Variants in TMEM229B observed in about 807,000 individuals in gnomAD.
The protein encoded by TMEM229B is transmembrane protein 229B, also known as chromosome 14 open reading frame 83.
A neutral mutation model predicts 13.7 loss-of-function variants in TMEM229B; 6 were observed. That is an observed-to-expected ratio of 0.44 (90% CI 0.24 to 0.86). TMEM229B has a LOEUF of 0.86. Ranked by LOEUF, TMEM229B falls within the 40% of genes least tolerant of loss-of-function variation. TMEM229B has a pLI of 0.23. For missense variants in TMEM229B, 170 were observed against 236.0 expected (o/e 0.72, Z 1.83); for synonymous variants, 107 against 102.1 (o/e 1.05, Z -0.29).
intron 1 of TMEM229B, among the ~76,000 whole-genome samples, chr14:67,523,918 T>C (rs1198391403): frequency 1.5e-5 from 1 of 67,408 alleles, no homozygotes; most frequent in East Asian, 6.8e-4. Flanking sequence ...TAGAGGGATA[T>C]GAGGACAGGG....
chr14:67,521,233 A>G (rs117204857), intron 1 of TMEM229B, among the ~76,000 whole-genome samples: 1 of 152,366 alleles, frequency 6.6e-6, no homozygotes, highest in Admixed American at 6.5e-5. Context: ...AGGTAACTTC[A>G]TAAATTACAT....
At chr14:67,479,713 G>A (rs948097335) in intron 2 of TMEM229B, among the ~76,000 whole-genome samples, 19 of 151,890 alleles carry the variant, frequency 1.3e-4, no homozygotes, top group East Asian at 3.9e-4. Context: ...GTGAGACTCC[G>A]TCTCAAAAAA....
chr14:67,483,092 C>T (rs2031681143), intron 2 of TMEM229B, among the ~76,000 whole-genome samples: 1 of 152,062 alleles, frequency 6.6e-6, no homozygotes, highest in Non-Finnish European at 1.5e-5. Flanking sequence ...CTCACTGCAA[C>T]CTCTGTCGCC....
upstream of TMEM229B, among the ~76,000 whole-genome samples, chr14:67,516,645 C>A (rs564772226): frequency 6.6e-6 from 1 of 152,170 alleles, no homozygotes; most frequent in Non-Finnish European, 1.5e-5. Flanking sequence ...TCTGATGGGG[C>A]CGTAGGTCTT....
At chr14:67,488,793 G>C (rs551701172), upstream of TMEM229B, 1 of 152,312 alleles carries the variant, frequency 6.6e-6, no homozygotes, top group Non-Finnish European at 1.5e-5. Flanking sequence ...AGCTCTGGGA[G>C]CCCACTGCCT....
upstream of TMEM229B, among the ~76,000 whole-genome samples, chr14:67,516,226 G>A (rs920685251): frequency 3.9e-5 from 6 of 152,178 alleles, no homozygotes; most frequent in African/African-American, 1.4e-4. Flanking sequence ...CCTGGCACTG[G>A]GTGCCTCAGC....
At chr14:67,517,945 C>G (rs10143518), upstream of TMEM229B, among the ~76,000 whole-genome samples, 63,970 of 152,034 alleles carry the variant, frequency 0.42, 14,025 homozygotes, top group East Asian at 0.49. Flanking sequence ...CAGGGTAGAG[C>G]AGTCTGCTGT....
chr14:67,470,451 T>C lies in TMEM229B; in HGVS notation c.*2969A>G, dbSNP rs1300785222. 6.6e-6 allele frequency: 1 copy of C among 152,116 alleles called. No individual in the cohort carries two copies. The highest frequency in any genetic ancestry group is 1.5e-5 in the Non-Finnish European group (1 of 68,034). The allele number at this position is 152,116 out of a possible 1,614,324, so 9.4% of individuals were successfully genotyped here. A position where few individuals can be genotyped will look rare whatever the true frequency, so the allele number is the denominator to read the frequency against. ...CCCTTTAGCAGAGCTGGGGCCTGCA[T>C]CTCCTCCAGGTCTGGGTGGCCTCAG... is the stretch of plus-strand genomic sequence containing the variant. On this transcript the variant is annotated 3_prime_UTR_variant, in exon 3 of 3. Transcript: ENST00000554480.
chr14:67,519,166 A>G (rs1395210995), upstream of TMEM229B, among the ~76,000 whole-genome samples: 1 of 152,200 alleles, frequency 6.6e-6, no homozygotes, highest in African/African-American at 2.4e-5. Context: ...AATAGGAAGG[A>G]AAGGGGCATA....
chr14:67,475,770 G>A (rs757020395), intron 2 of TMEM229B, among the ~76,000 whole-genome samples: 1 of 152,124 alleles, frequency 6.6e-6, no homozygotes, highest in Non-Finnish European at 1.5e-5. Context: ...TTCAACGCCC[G>A]GCTCCCATGC....
intron 1 of TMEM229B, among the ~76,000 whole-genome samples, chr14:67,508,511 C>G (rs1209337193): frequency 6.6e-6 from 1 of 152,086 alleles, no homozygotes; most frequent in Admixed American, 6.6e-5. Context: ...CAGCCTCACG[C>G]TAGCTCTCCA....
upstream of TMEM229B, among the ~76,000 whole-genome samples, chr14:67,490,848 T>C (rs185593073): frequency 6.6e-6 from 1 of 152,220 alleles, no homozygotes; most frequent in East Asian, 1.9e-4. Context: ...CCTTCTGCTC[T>C]CACACTCAAA....
At chr14:67,482,410 AT>A (rs1391412439) in intron 2 of TMEM229B, among the ~76,000 whole-genome samples, 1 of 152,200 alleles carries the variant, frequency 6.6e-6, no homozygotes, top group Non-Finnish European at 1.5e-5. Context: ...GACTCTGGGA[AT>A]TTTTGTCCAG....
intron 1 of TMEM229B, among the ~76,000 whole-genome samples, chr14:67,526,863 A>G (rs2033374850): frequency 6.6e-6 from 1 of 152,058 alleles, no homozygotes; most frequent in Admixed American, 6.6e-5. Context: ...CCCCTTTTAC[A>G]AAGAGGGGAG....
chr14:67,518,506 C>T (rs756594630), upstream of TMEM229B, among the ~76,000 whole-genome samples: 15 of 152,198 alleles, frequency 9.9e-5, no homozygotes, highest in Admixed American at 3.3e-4. Context: ...GGCCCCGCCA[C>T]GGTAGGCAGT....
intron 1 of TMEM229B, among the ~76,000 whole-genome samples, chr14:67,506,216 C>G (rs535767145): frequency 1.3e-5 from 2 of 152,064 alleles, no homozygotes; most frequent in African/African-American, 2.4e-5. Flanking sequence ...TGGGACTCTG[C>G]TTCATAAAGC....
rs539254502 is a variant in TMEM229B, at chr14:67,470,811, T to A, written c.*2609A>T. On this transcript the variant is annotated 3_prime_UTR_variant, in exon 3 of 3. Transcript: ENST00000554480. ...CACATTGCAATCTGTAACTCAGAGATGCTGCCATGTCTAGTGGAGAGAGGC... is the reference window on the plus strand; with the variant it reads ...CACATTGCAATCTGTAACTCAGAGAAGCTGCCATGTCTAGTGGAGAGAGGC... 1.2e-4 allele frequency: 19 copies of A among 152,814 alleles called. No homozygotes were observed. The highest frequency in any genetic ancestry group is 4.6e-4 in the African/African-American group (19 of 41,558). The allele number at this position is 152,814 out of a possible 1,614,324, so 9.5% of individuals were successfully genotyped here.
At position 67,473,892 on chromosome 14, in the gene TMEM229B, G is replaced by T. The variant is rs765589318; in HGVS notation, c.32C>A (p.Ser11Tyr). MASAEPLTALSRWYLYAIHGY... is the reference protein window; with the variant it reads MASAEPLTALYRWYLYAIHGY... ...GTGGATGGCATACAGGTACCAGCGG[G>T]ACAGCGCCGTCAGGGGCTCGGCAGA... The change falls in exon 3 of 3, where the codon TCC (serine) becomes TAC (tyrosine). Residue 11 changes from serine to tyrosine, a missense_variant. Ser to Tyr is a moderately radical substitution (Grantham distance 144). Transcript: ENST00000554480. The surrounding 1 kb of genome is among the most constrained non-coding windows in gnomAD (Gnocchi z 6.5). 1.9e-6 allele frequency: 3 copies of T among 1,609,188 alleles called. No individual in the cohort carries two copies. In the African/African-American group the frequency reaches 4.0e-5, roughly 21 times the overall value.
intron 1 of TMEM229B, among the ~76,000 whole-genome samples, chr14:67,512,892 T>C (rs1012162460): frequency 4.6e-5 from 7 of 152,196 alleles, no homozygotes; most frequent in Admixed American, 6.5e-5. Context: ...ACTACACTTT[T>C]AAAACCAACA....
Sources: allele counts gnomAD v4.1 joint callset (sites outside exome capture counted in the v4.1 genomes callset), GRCh38; gene constraint gnomAD v4.1.1; non-coding constraint Gnocchi (gnomAD v3.1); transcripts MANE v1.5; gene names NCBI Gene and HGNC (gene_info 2026-07-23, HGNC 2026-07-21).